NTNG1: variants seen among roughly 807,000 people sequenced by gnomAD.
NTNG1 encodes the protein netrin-G1.
Under a neutral mutation model 54.0 loss-of-function variants are expected in NTNG1, and 16 were observed. The observed-to-expected ratio is 0.30, with a 90% CI of 0.20 to 0.45. The LOEUF (loss-of-function observed/expected upper bound fraction) is 0.45. Among genes scored for constraint, NTNG1 ranks in the 20% least tolerant of loss-of-function variants. NTNG1 has a pLI of 1.00. For missense variants in NTNG1, 530 were observed against 678.7 expected, an observed-to-expected ratio of 0.78 and a Z score of 2.43; for synonymous variants, 255 against 263.1, an observed-to-expected ratio of 0.97 and a Z score of 0.30.
intron 2 of NTNG1, among the ~76,000 whole-genome samples, chr1:107,269,441 G>A (rs190723213): frequency 6.0e-4 from 91 of 151,972 alleles, no homozygotes; most frequent in South Asian, 6.3e-4. Context: ...GTTTTTCCCC[G>A]TAACAGTTAC....
chr1:107,251,964 T>C (rs1662634719), intron 2 of NTNG1, among the ~76,000 whole-genome samples: 1 of 152,044 alleles, frequency 6.6e-6, no homozygotes, highest in African/African-American at 2.4e-5. Flanking sequence ...TTTAAGAGAG[T>C]AGGCTCTGGA....
intron 2 of NTNG1, among the ~76,000 whole-genome samples, chr1:107,258,450 AT>A (rs1663080275): frequency 6.6e-6 from 1 of 152,228 alleles, no homozygotes; most frequent in Admixed American, 6.5e-5. Flanking sequence ...ATTAAAAAAA[AT>A]AAAAGAAGTT....
chr1:107,468,540 A>C (rs1677749144), intron 7 of NTNG1, among the ~76,000 whole-genome samples: 1 of 152,228 alleles, frequency 6.6e-6, no homozygotes. Flanking sequence ...CATAATTCCA[A>C]CATCATTTCA....
rs1483293181 is a variant in NTNG1 at position 107,482,882 on chromosome 1, C to G, written c.*2042C>G. ...GGTAATGCCTGTGCTGCCTGCCACC[C>G]CACGTCTAAGTCTATTGAATGTTTG... On this transcript the variant is annotated 3_prime_UTR_variant, in exon 8 of 8. Coordinates refer to ENST00000370068, the MANE Select transcript of NTNG1 (RefSeq NM_001113226.3). 4 of 152,182 alleles carry G rather than the reference C, an allele frequency of 2.6e-5. No individual in the cohort carries two copies. Among genetic ancestry groups the G allele is most frequent in the Non-Finnish European group, 5.9e-5 (4 of 68,038 alleles). 9.4% of individuals were successfully genotyped at this position (152,182 alleles called of 1,614,324 possible).
intron 3 of NTNG1, among the ~76,000 whole-genome samples, chr1:107,389,891 G>A (rs1157333728): frequency 6.6e-6 from 1 of 152,208 alleles, no homozygotes; most frequent in Non-Finnish European, 1.5e-5. Context: ...GTGGGAGCTG[G>A]ATGGCCATGG....
At chr1:107,182,126 T>C (rs544497320) in intron 2 of NTNG1, among the ~76,000 whole-genome samples, 20 of 152,298 alleles carry the variant, frequency 1.3e-4, no homozygotes, top group Admixed American at 9.8e-4. Context: ...TTTGAAGCTT[T>C]AACATTTGAT....
Position 107,325,095 on chromosome 1 carries a change from A to C in NTNG1, c.887+173A>C, listed in dbSNP as rs1132933. On this transcript the variant is annotated intron_variant, in intron 3 of 7. Coordinates refer to ENST00000370068, the MANE Select transcript of NTNG1 (RefSeq NM_001113226.3). ...TCTGAGATCCCTCATCCTCAGCAGTAATTTGTAATCCCAAACTTGCTGTCC... is the reference window on the plus strand; with the variant it reads ...TCTGAGATCCCTCATCCTCAGCAGTCATTTGTAATCCCAAACTTGCTGTCC... Among the ~76,000 whole-genome samples, 82,692 of 151,910 alleles carry C rather than the reference A, an allele frequency of 0.54. 24,042 individuals carry two copies. Among genetic ancestry groups the C allele is most frequent in the Non-Finnish European group, 0.64 (43,722 of 67,940 alleles).
At chr1:107,327,576 A>C (rs1397231378) in intron 3 of NTNG1, among the ~76,000 whole-genome samples, 1 of 152,144 alleles carries the variant, frequency 6.6e-6, no homozygotes, top group Non-Finnish European at 1.5e-5. Flanking sequence ...CACTTTTCAA[A>C]ATACAACTGA....
chr1:107,258,821 G>A (rs1663108950), intron 2 of NTNG1, among the ~76,000 whole-genome samples: 1 of 152,130 alleles, frequency 6.6e-6, no homozygotes. Flanking sequence ...ACAGACTTTG[G>A]TCTGACAGTG....
chr1:107,158,316 G>A (rs769557301), intron 2 of NTNG1, among the ~76,000 whole-genome samples: 4 of 152,018 alleles, frequency 2.6e-5, no homozygotes, highest in Non-Finnish European at 5.9e-5. Context: ...TACTGAGATC[G>A]GCAGGTTGTA....
intron 2 of NTNG1, among the ~76,000 whole-genome samples, chr1:107,276,131 G>A (rs1023482428): frequency 2.0e-5 from 3 of 152,144 alleles, no homozygotes; most frequent in African/African-American, 7.2e-5. Flanking sequence ...GTACATCACA[G>A]GTAGGGATCA....
At position 107,184,165 on chromosome 1, in the gene NTNG1, TG is replaced by T. The variant is rs555062193; in HGVS notation, c.246+35328del. Among the ~76,000 whole-genome samples, 278 of 152,266 alleles carry T rather than the reference TG, an allele frequency of 1.8e-3. 1 individual carries two copies. Among genetic ancestry groups the T allele is most frequent in the African/African-American group, 6.4e-3 (268 of 41,564 alleles). ...AGGATGTTGTCATCCAAGTCATGCC[TG>T]GTACTGATGAGGCTCTTTGGATGCA... On this transcript the variant is annotated intron_variant, in intron 2 of 7. Coordinates refer to ENST00000370068, the MANE Select transcript of NTNG1 (RefSeq NM_001113226.3).
At chr1:107,371,769 G>A (rs1322933340) in intron 3 of NTNG1, among the ~76,000 whole-genome samples, 5 of 152,044 alleles carry the variant, frequency 3.3e-5, no homozygotes, top group African/African-American at 1.2e-4. Context: ...GCAAGTAACA[G>A]GCTGGTACCA....
chr1:107,256,891 A>G (rs1662969883), intron 2 of NTNG1, among the ~76,000 whole-genome samples: 1 of 152,182 alleles, frequency 6.6e-6, no homozygotes, highest in Non-Finnish European at 1.5e-5. Context: ...CCCTTCCTAT[A>G]CCTGTCAAAA....
chr1:107,383,303 C>G (rs1340040892), intron 3 of NTNG1, among the ~76,000 whole-genome samples: 1 of 152,122 alleles, frequency 6.6e-6, no homozygotes, highest in Non-Finnish European at 1.5e-5. Context: ...TTTGCAAAAC[C>G]CAAGAGAGCA....
Position 107,339,881 on chromosome 1 carries a change from C to T in NTNG1, c.887+14959C>T, listed in dbSNP as rs1003695688. On this transcript the variant is annotated intron_variant, in intron 3 of 7. Coordinates refer to ENST00000370068, the MANE Select transcript of NTNG1 (RefSeq NM_001113226.3). ...CTAGAGATACAAAGATGAAAAGCCA[C>T]AGTCCCTGTCCTCAAGTTGCTACCA... 1.4e-3 allele frequency among the ~76,000 whole-genome samples: 217 copies of T among 152,184 alleles called. 1 individual carries two copies. Among genetic ancestry groups the T allele is most frequent in the African/African-American group, 5.0e-3 (209 of 41,550 alleles).
At chr1:107,176,758 A>T (rs552709824) in intron 2 of NTNG1, among the ~76,000 whole-genome samples, 1 of 152,078 alleles carries the variant, frequency 6.6e-6, no homozygotes, top group South Asian at 2.1e-4. Context: ...GTTTCTCCTC[A>T]TCTTTCATTA....
At chr1:107,347,385 G>C (rs1221028682) in intron 3 of NTNG1, among the ~76,000 whole-genome samples, 2 of 152,074 alleles carry the variant, frequency 1.3e-5, no homozygotes, top group African/African-American at 4.8e-5. Flanking sequence ...CATGGTGGTG[G>C]GTGCCTGTAG....
chr1:107,141,190 G>C (rs927137100), intron 1 of NTNG1, 50 bp downstream of exon 1: 3 of 151,938 alleles, frequency 2.0e-5, no homozygotes, highest in Non-Finnish European at 4.4e-5. Context: ...CTCGGTCCTC[G>C]GGGTCCTCTC....
Sources: gnomAD v4.1 joint callset for allele counts (sites outside exome capture counted in the v4.1 genomes callset) on GRCh38, gnomAD v4.1.1 for gene constraint, MANE v1.5 for transcripts, NCBI Gene and HGNC (gene_info 2026-07-23, HGNC 2026-07-21) for gene names.